The following ZNF506 variants were observed in gnomAD, a reference collection of about 807,000 sequenced individuals.
The protein encoded by ZNF506 is zinc finger protein 506.
ZNF506 carries 10 observed loss-of-function variants against 11.6 expected under a neutral mutation model. The ratio of observed to expected loss-of-function variants is 0.86; its 90% CI spans 0.53 to 1.46. The LOEUF (loss-of-function observed/expected upper bound fraction) is 1.46. Ranked by LOEUF, ZNF506 falls within the 40% of genes most tolerant of loss-of-function variation. The pLI is 0.00. For missense variants in ZNF506, 425 were observed against 521.2 expected (o/e 0.82, Z 1.80); for synonymous variants, 156 against 173.3 (o/e 0.90, Z 0.78).
chr19:19,807,064 G>A lies in ZNF506; in HGVS notation c.8C>T (p.Pro3Leu). 6.2e-7 allele frequency: 1 copy of A among 1,613,292 alleles called. No homozygotes were observed. The change falls in exon 2 of 4, where the codon CCA becomes CTA. Residue 3 changes from proline (P) to leucine (L), a missense_variant. Around this residue, in one of 3 missense-constraint regions of ZNF506, gnomAD observed 226 missense variants for 279.1 expected, o/e 0.81. Coordinates refer to ENST00000540806, the MANE Select transcript of ZNF506 (RefSeq NM_001099269.3). ...TATGGCCACATCTCTAAATTGCAAT[G>A]GTCCCTGAAAAAAACACACACACTT... is the stretch of plus-strand genomic sequence containing the variant. MGPLQFRDVAIEF... is the reference protein window; with the variant it reads MGLLQFRDVAIEF...
intron 3 of ZNF506, among the ~76,000 whole-genome samples, chr19:19,802,354 T>C (rs1405891498): frequency 6.6e-6 from 1 of 152,172 alleles, no homozygotes; most frequent in Non-Finnish European, 1.5e-5. Context: ...ACACAGAAGA[T>C]TCTGAGAAAT....
intron 3 of ZNF506, among the ~76,000 whole-genome samples, chr19:19,800,425 A>AT (rs1475350238): frequency 2.7e-5 from 3 of 112,522 alleles, no homozygotes; most frequent in South Asian, 2.6e-4. Flanking sequence ...TATATATATT[A>AT]TTTTTTTTCG....
In ZNF506 at chr19:19,792,749, T is replaced by C. The variant is rs1452606512; in HGVS notation, c.*1803A>G. On this transcript the variant is annotated 3_prime_UTR_variant, in exon 4 of 4. Transcript: ENST00000540806. ...TCTTTATTAATAAAGTAATTCATTA[T>C]AATTTTTGAAAAAAAAAGTTTTAAA... Among the ~76,000 whole-genome samples, 2 of 39,044 alleles carry C rather than the reference T, an allele frequency of 5.1e-5. No homozygotes were observed. The highest frequency in any genetic ancestry group is 9.2e-5 in the Non-Finnish European group (2 of 21,746). The allele number at this position is 39,044 out of a possible 152,430, so 25.6% of individuals were successfully genotyped here.
intron 3 of ZNF506, among the ~76,000 whole-genome samples, chr19:19,801,492 C>T (rs2062792167): frequency 7.2e-6 from 1 of 139,442 alleles, no homozygotes. Context: ...GAGAATCCAT[C>T]TCAAAAAAAA....
rs773908294 is a variant in ZNF506 at position 19,795,169 on chromosome 19, G to A, written c.718C>T (p.Gln240Ter). The A allele has an allele frequency of 2.6e-5, 42 of 1,612,096 alleles. No homozygotes were observed. The highest frequency in any genetic ancestry group is 1.6e-4 in the Middle Eastern group (1 of 6,068). ...TTATGTGTAGTAAGGTTACAGGACT[G>A]CTTATAGGCTTTGCCACATTCTTCA... ...KCEECGKAYK[Q>*]SCNLTTHKII... Residue 240 changes from glutamine (Q) to a stop codon, truncating the protein, a stop_gained, in exon 4 of 4, where the codon CAG (glutamine) becomes TAG (stop). Transcript: ENST00000540806. LOFTEE classifies it low-confidence loss of function (END_TRUNC).
chr19:19,799,216 T>C (rs1339364655), intron 3 of ZNF506: 2 of 353,030 alleles, frequency 5.7e-6, no homozygotes, highest in East Asian at 8.4e-5. Context: ...GGGTTTCAAA[T>C]ATATAAAGCA....
At chr19:19,821,374 G>T (rs764882252) in intron 1 of ZNF506, among the ~76,000 whole-genome samples, 2 of 152,172 alleles carry the variant, frequency 1.3e-5, no homozygotes, top group Non-Finnish European at 2.9e-5. Flanking sequence ...TCCACGCCAG[G>T]GCACAGTCAC....
At chr19:19,808,757 T>C (rs1057265966) in intron 1 of ZNF506, among the ~76,000 whole-genome samples, 1 of 149,042 alleles carries the variant, frequency 6.7e-6, no homozygotes, top group Non-Finnish European at 1.5e-5. Context: ...GCAGGAGAAT[T>C]GTTTGACCCC....
At chr19:19,815,373 G>A (rs578018213) in intron 1 of ZNF506, among the ~76,000 whole-genome samples, 1 of 152,340 alleles carries the variant, frequency 6.6e-6, no homozygotes, top group South Asian at 2.1e-4. Flanking sequence ...GTGTGTTCGT[G>A]AGTGGGTGGG....
In ZNF506 at chr19:19,793,926, A is replaced by G. The variant is rs761372668; in HGVS notation, c.*626T>C. ...AGTATAATTTATTTTTATGTATACAAAAGTTGGAGGTGGTGGTAAAAGCAC... is the reference window on the plus strand; with the variant it reads ...AGTATAATTTATTTTTATGTATACAGAAGTTGGAGGTGGTGGTAAAAGCAC... On this transcript the variant is annotated 3_prime_UTR_variant, in exon 4 of 4. Transcript: ENST00000540806. 6.6e-6 allele frequency: 1 copy of G among 152,338 alleles called. No individual in the cohort carries two copies. The highest frequency in any genetic ancestry group is 1.5e-5 in the Non-Finnish European group (1 of 68,158). The allele number at this position is 152,338 out of a possible 1,614,324, so 9.4% of individuals were successfully genotyped here.
intron 1 of ZNF506, 131 bp from the exon 2 acceptor site, chr19:19,807,199 T>C: frequency 7.0e-7 from 1 of 1,437,620 alleles, no homozygotes; most frequent in African/African-American, 1.4e-5. Flanking sequence ...AATAAAATGA[T>C]TTTCAACACA....
chr19:19,798,753 TAAAA>T (rs1254717652), intron 3 of ZNF506: 1 of 148,040 alleles, frequency 6.8e-6, no homozygotes, highest in East Asian at 2.0e-4. Flanking sequence ...AAAAAAAACT[TAAAA>T]AGGAGAAATT....
At position 19,793,564 on chromosome 19, in the gene ZNF506, T is replaced by C. The variant is rs1352296797; in HGVS notation, c.*988A>G. Among the ~76,000 whole-genome samples the C allele has an allele frequency of 1.3e-5, 2 of 152,212 alleles. No homozygotes were observed. The highest frequency in any genetic ancestry group is 6.5e-5 in the Admixed American group (1 of 15,272). On this transcript the variant is annotated 3_prime_UTR_variant, in exon 4 of 4. Coordinates refer to ENST00000540806, the MANE Select transcript of ZNF506 (RefSeq NM_001099269.3). ...AAGGTACTACAACCCCCCCTTATAT[T>C]TGTAATAGCTGATTTCAGAATAAAT...
rs1035012860 is a variant in ZNF506 at position 19,821,692 on chromosome 19, G to A, written c.-89C>T. 2.0e-6 allele frequency: 3 copies of A among 1,523,662 alleles called. No homozygotes were observed. The highest frequency in any genetic ancestry group is 1.1e-5 in the South Asian group (1 of 89,182). The allele number at this position is 1,523,662 out of a possible 1,614,324, so 94.4% of individuals were successfully genotyped here. A position where few individuals can be genotyped will look rare whatever the true frequency, so the allele number is the denominator to read the frequency against. On this transcript the variant is annotated 5_prime_UTR_variant, in exon 1 of 4. Transcript: ENST00000540806. ...GGCCACAGAGGCTGGGCCTCTAGGAGCTGACGGCACAGAGCAGTGAAGACG... is the reference window on the plus strand; with the variant it reads ...GGCCACAGAGGCTGGGCCTCTAGGAACTGACGGCACAGAGCAGTGAAGACG...
chr19:19,799,304 A>G (rs2062771235), intron 3 of ZNF506: 2 of 428,314 alleles, frequency 4.7e-6, no homozygotes, highest in East Asian at 7.1e-5. Flanking sequence ...TAATAATAAA[A>G]CAAGACAGTA....
chr19:19,801,220 G>A lies in ZNF506; in HGVS notation c.226+4811C>T, dbSNP rs189683735. Among the ~76,000 whole-genome samples the A allele has an allele frequency of 5.3e-3, 811 of 152,238 alleles. 7 individuals carry two copies. Among genetic ancestry groups the A allele is most frequent in the African/African-American group, 0.017 (726 of 41,546 alleles). ...AACAAAAAAAACCTGGCCGGGTGCC[G>A]TGGCTCACGCCCATAATCCCAGCCC... On this transcript the variant is annotated intron_variant, in intron 3 of 3. Coordinates refer to ENST00000540806, the MANE Select transcript of ZNF506 (RefSeq NM_001099269.3).
intron 1 of ZNF506, among the ~76,000 whole-genome samples, chr19:19,809,893 T>C (rs1213287610): frequency 6.6e-6 from 1 of 151,800 alleles, no homozygotes; most frequent in Non-Finnish European, 1.5e-5. Flanking sequence ...CTTAGAGTCA[T>C]ATGAGGCACT....
At chr19:19,796,254 C>G (rs1390891688) in intron 3 of ZNF506, 1 of 152,360 alleles carries the variant, frequency 6.6e-6, no homozygotes, top group Non-Finnish European at 1.5e-5. Flanking sequence ...GTACTCCAGC[C>G]TAGGTAACAG....
rs2062728359 is a variant in ZNF506, at chr19:19,795,092, A to G, written c.795T>C (p.Ala265=). The change falls in exon 4 of 4, where the codon GCT becomes GCC. Residue 265 remains alanine, a synonymous_variant. Transcript: ENST00000540806. Reference sequence around the variant, plus strand: ...AAAAAAGGGTTGCAGGGTGGTTAAAAGCTTTGCCACATTCTCTACATCTGT... The same window carrying G: ...AAAAAAGGGTTGCAGGGTGGTTAAAGGCTTTGCCACATTCTCTACATCTGT... The part of the protein sequence containing the change: ...KPYRCRECGK[A]FNHPATLFSH... The G allele has an allele frequency of 1.2e-6, 2 of 1,613,456 alleles. No homozygotes were observed. The highest frequency in any genetic ancestry group is 2.2e-5 in the East Asian group (1 of 44,824).
Sources: allele counts gnomAD v4.1 joint callset (sites outside exome capture counted in the v4.1 genomes callset), GRCh38; gene constraint gnomAD v4.1.1; regional missense constraint gnomAD v4.1.1; transcripts MANE v1.5; gene names NCBI Gene and HGNC (gene_info 2026-07-23, HGNC 2026-07-21).